The following DCC variants were observed in gnomAD, a reference collection of about 807,000 sequenced individuals.
The protein encoded by DCC is DCC netrin 1 receptor, also known as netrin receptor DCC.
DCC carries 58 observed loss-of-function variants against 172.5 expected under a neutral mutation model. That is an observed-to-expected ratio of 0.34 (90% CI 0.27 to 0.42). The LOEUF is 0.42. Among genes scored for constraint, DCC ranks in the 10% least tolerant of loss-of-function variants. The pLI, the probability that DCC is intolerant of heterozygous loss-of-function variation, is 1.00. For missense variants in DCC, 1,740 were observed against 1,791.0 expected (o/e 0.97, Z 0.51); for synonymous variants, 709 against 644.5 (o/e 1.10, Z -1.52).
chr18:53,378,376 A>G (rs539449247), intron 15 of DCC, among the ~76,000 whole-genome samples: 3 of 152,290 alleles, frequency 2.0e-5, no homozygotes, highest in Admixed American at 1.3e-4. Flanking sequence ...TACATAATAT[A>G]TCTTACAGAA....
intron 7 of DCC, among the ~76,000 whole-genome samples, chr18:53,147,088 ATTG>A (rs2043926817): frequency 6.6e-6 from 1 of 152,166 alleles, no homozygotes; most frequent in African/African-American, 2.4e-5. Context: ...TCTGGTGATT[ATTG>A]TTTTTATTGT....
chr18:52,777,134 T>G (rs535690494), intron 2 of DCC, among the ~76,000 whole-genome samples: 5 of 152,348 alleles, frequency 3.3e-5, no homozygotes, highest in African/African-American at 9.6e-5. Context: ...CCCGTTAACT[T>G]TTATGTCCAC....
chr18:53,272,454 C>G (rs373073699), intron 12 of DCC, among the ~76,000 whole-genome samples: 1 of 152,106 alleles, frequency 6.6e-6, no homozygotes. Flanking sequence ...TCAATTGCCA[C>G]TCTTTGCCAG....
At chr18:53,166,079 T>C (rs1427269802) in intron 8 of DCC, among the ~76,000 whole-genome samples, 1 of 152,006 alleles carries the variant, frequency 6.6e-6, no homozygotes, top group East Asian at 1.9e-4. Flanking sequence ...TCAGTGGAGA[T>C]GGAGCAGCAG....
intron 5 of DCC, among the ~76,000 whole-genome samples, chr18:53,021,415 G>A (rs1401536140): frequency 2.0e-5 from 3 of 152,254 alleles, no homozygotes; most frequent in South Asian, 2.1e-4. Context: ...TTATTATATC[G>A]TGTTCTATTA....
chr18:52,642,085 C>CAA (rs147835217), intron 1 of DCC, among the ~76,000 whole-genome samples: 4 of 124,716 alleles, frequency 3.2e-5, no homozygotes, highest in African/African-American at 6.5e-5. Flanking sequence ...TATATACACA[C>CAA]ACACACACAC....
At chr18:52,691,756 C>T (rs1002281274) in intron 1 of DCC, among the ~76,000 whole-genome samples, 9 of 152,102 alleles carry the variant, frequency 5.9e-5, no homozygotes, top group Non-Finnish European at 7.4e-5. Context: ...CACCATTGTA[C>T]GGGGCACAGT....
chr18:53,339,491 C>T (rs974448104), intron 14 of DCC, among the ~76,000 whole-genome samples: 1 of 152,070 alleles, frequency 6.6e-6, no homozygotes, highest in Non-Finnish European at 1.5e-5. Context: ...ACCTACCATG[C>T]CCATGGAAAG....
rs111620433 is a variant in DCC at position 53,254,254 on chromosome 18, C to T, written c.1911+38657C>T. Among the ~76,000 whole-genome samples the T allele has an allele frequency of 1.2e-3, 190 of 152,114 alleles. 1 individual carries two copies. Among genetic ancestry groups the T allele is most frequent in the African/African-American group, 4.0e-3 (168 of 41,534 alleles). On this transcript the variant is annotated intron_variant, in intron 12 of 28. Coordinates refer to ENST00000442544, the MANE Select transcript of DCC (RefSeq NM_005215.4). ...TTTGCTCTGAAATGATAACTTTTTCCTGGAAAGGTAGGGAATCCACTCAGC... is the reference window on the plus strand; with the variant it reads ...TTTGCTCTGAAATGATAACTTTTTCTTGGAAAGGTAGGGAATCCACTCAGC...
At chr18:52,681,573 G>A (rs566700732) in intron 1 of DCC, among the ~76,000 whole-genome samples, 115 of 152,148 alleles carry the variant, frequency 7.6e-4, no homozygotes, top group African/African-American at 2.5e-3. Context: ...TCTGAAGTAG[G>A]GAGCATTTCT....
At chr18:52,396,994 T>C (rs893936354) in intron 1 of DCC, among the ~76,000 whole-genome samples, 10 of 152,178 alleles carry the variant, frequency 6.6e-5, no homozygotes, top group African/African-American at 2.4e-4. Context: ...AATATATTAA[T>C]AAATGTTTCT....
At position 53,445,058 on chromosome 18, in the gene DCC, T is replaced by A. The variant is rs138489416; in HGVS notation, c.3230-5442T>A. On this transcript the variant is annotated intron_variant, in intron 22 of 28. Coordinates refer to ENST00000442544, the MANE Select transcript of DCC (RefSeq NM_005215.4). ...AGCATATTAAAAATCCAAATTTTTT[T>A]AAAATAAATATGTTCTGAAACTTAG... 1.4e-3 allele frequency among the ~76,000 whole-genome samples: 214 copies of A among 152,322 alleles called. 2 individuals are homozygous for A. In the East Asian group the frequency reaches 0.033, roughly 23 times the overall value.
intron 22 of DCC, among the ~76,000 whole-genome samples, chr18:53,450,278 A>G (rs1026576696): frequency 1.3e-5 from 2 of 152,110 alleles, no homozygotes; most frequent in Non-Finnish European, 2.9e-5. Flanking sequence ...TGCTACTATG[A>G]ACGTTTCTCT....
chr18:53,474,870 A>G (rs2045742982), intron 25 of DCC, among the ~76,000 whole-genome samples: 1 of 152,230 alleles, frequency 6.6e-6, no homozygotes, highest in South Asian at 2.1e-4. Flanking sequence ...AAAACAGGAA[A>G]ATGTGGGAAA....
chr18:52,994,132 A>T (rs2041441571), intron 5 of DCC, among the ~76,000 whole-genome samples: 1 of 152,104 alleles, frequency 6.6e-6, no homozygotes, highest in African/African-American at 2.4e-5. Context: ...AAAATGCTAA[A>T]ATTAACATTG....
chr18:52,891,056 C>T (rs1483904939), intron 2 of DCC, among the ~76,000 whole-genome samples: 1 of 152,000 alleles, frequency 6.6e-6, no homozygotes, highest in Non-Finnish European at 1.5e-5. Flanking sequence ...TAAGAAGGCT[C>T]AATAAATGAC....
chr18:53,469,063 C>A (rs920472586), intron 25 of DCC, among the ~76,000 whole-genome samples: 2 of 152,170 alleles, frequency 1.3e-5, no homozygotes, highest in Non-Finnish European at 2.9e-5. Flanking sequence ...TTATTGCCCC[C>A]TTGCCATCAA....
chr18:52,491,693 A>G (rs566478664), intron 1 of DCC, among the ~76,000 whole-genome samples: 2 of 152,164 alleles, frequency 1.3e-5, no homozygotes, highest in Admixed American at 6.6e-5. Flanking sequence ...TGTATTTTGT[A>G]GATACAATTG....
At chr18:52,976,520 G>A (rs561902156) in intron 5 of DCC, among the ~76,000 whole-genome samples, 1 of 152,244 alleles carries the variant, frequency 6.6e-6, no homozygotes, top group East Asian at 1.9e-4. Context: ...ATCCACAAAT[G>A]CAATCATATA....
Sources: allele counts gnomAD v4.1 joint callset (sites outside exome capture counted in the v4.1 genomes callset), GRCh38; gene constraint gnomAD v4.1.1; transcripts MANE v1.5; gene names NCBI Gene and HGNC (gene_info 2026-07-23, HGNC 2026-07-21).